The following CGRRF1 variants were observed in gnomAD, a reference collection of about 807,000 sequenced individuals.
CGRRF1 encodes cell growth regulator with ring finger domain 1, also known as cell growth regulator with RING finger domain protein 1.
CGRRF1 carries 32 observed loss-of-function variants against 37.2 expected under a neutral mutation model. That is an observed-to-expected ratio of 0.86 (90% CI 0.65 to 1.16). The LOEUF (loss-of-function observed/expected upper bound fraction) is 1.16. Ranked by LOEUF, CGRRF1 falls within the 50% of genes most tolerant of loss-of-function variation. The pLI is 0.00. For missense variants in CGRRF1, 391 were observed against 382.6 expected (o/e 1.02, Z -0.18); for synonymous variants, 141 against 140.3 (o/e 1.00, Z -0.04).
intron 2 of CGRRF1, among the ~76,000 whole-genome samples, chr14:54,527,211 C>T (rs942047770): frequency 5.9e-5 from 9 of 151,362 alleles, no homozygotes. Flanking sequence ...AATTGAAACT[C>T]TTTGCAAAAA....
At chr14:54,531,927 A>G (rs1257033843) in intron 4 of CGRRF1, among the ~76,000 whole-genome samples, 2 of 152,220 alleles carry the variant, frequency 1.3e-5, no homozygotes, top group African/African-American at 4.8e-5. Flanking sequence ...TAATAAACAT[A>G]TGGTAACATT....
rs756820986 is a variant in CGRRF1 at position 54,509,928 on chromosome 14, T to G, written c.-32T>G. The stretch of plus-strand genomic sequence containing the variant: ...GCCGGGCTGGGCTGGGCTCCGCGGC[T>G]GGAGCCGGGCTCTACCCAGAGCAAG... On this transcript the variant is annotated 5_prime_UTR_variant, in exon 1 of 6. Transcript: ENST00000216420. The G allele has an allele frequency of 6.1e-5, 94 of 1,539,210 alleles. No individual in the cohort carries two copies. Among genetic ancestry groups the G allele is most frequent in the Non-Finnish European group, 8.1e-5 (90 of 1,112,702 alleles).
chr14:54,515,205 C>T (rs2032195396), intron 1 of CGRRF1, among the ~76,000 whole-genome samples: 2 of 151,302 alleles, frequency 1.3e-5, no homozygotes, highest in Non-Finnish European at 1.5e-5. Context: ...TCTCCTGCCT[C>T]AGCCTCCAGA....
At position 54,527,157 on chromosome 14, in the gene CGRRF1, T is replaced by C. The variant is rs571121132; in HGVS notation, c.245-2892T>C. 3.2e-4 allele frequency among the ~76,000 whole-genome samples: 49 copies of C among 152,240 alleles called. 2 individuals carry two copies. The Middle Eastern group carries it at 0.02, about 63-fold the overall frequency. On this transcript the variant is annotated intron_variant, in intron 2 of 5. Transcript: ENST00000216420. ...TGTTAATGCTATTGATCTAAAGTGA[T>C]GTCATGTGTGTACTGAGTTTTAGAA...
chr14:54,513,566 TTTATGTTATG>T (rs150170270), intron 1 of CGRRF1, among the ~76,000 whole-genome samples: 3,590 of 146,634 alleles, frequency 0.024, 61 homozygotes, highest in Middle Eastern at 0.09. Context: ...TGGACACAGT[TTTATGTTATG>T]TTATGTTATG....
At chr14:54,531,247 A>C (rs777095294) in intron 4 of CGRRF1, 197 bp downstream of exon 4, 14 of 512,250 alleles carry the variant, frequency 2.7e-5, no homozygotes, top group Non-Finnish European at 4.1e-5. Flanking sequence ...TATGGGTCAC[A>C]GTAATATGAC....
intron 4 of CGRRF1, among the ~76,000 whole-genome samples, chr14:54,534,691 G>A (rs2032572586): frequency 6.6e-6 from 1 of 152,034 alleles, no homozygotes; most frequent in Non-Finnish European, 1.5e-5. Flanking sequence ...TTGCATTATT[G>A]TTCTCCCATT....
At position 54,529,921 on chromosome 14, in the gene CGRRF1, T is replaced by G. The variant is rs2032479509; in HGVS notation, c.245-128T>G. 4 of 651,546 alleles carry G rather than the reference T, an allele frequency of 6.1e-6. No individual in the cohort carries two copies. In the Admixed American group the frequency reaches 8.8e-5, roughly 14 times the overall value. The allele number at this position is 651,546 out of a possible 1,614,324, so 40.4% of individuals were successfully genotyped here. On this transcript the variant is annotated intron_variant, in intron 2 of 5. Coordinates refer to ENST00000216420, the MANE Select transcript of CGRRF1 (RefSeq NM_006568.3). ...CCTTCGTTTATAGGAGGCATACCCT[T>G]TAACAAGTTCTTTTAACTGCCATCA...
chr14:54,518,385 A>G (rs2032252727), intron 1 of CGRRF1, among the ~76,000 whole-genome samples: 1 of 151,972 alleles, frequency 6.6e-6, no homozygotes, highest in Non-Finnish European at 1.5e-5. Flanking sequence ...GTCTCTACTA[A>G]AAATACAAAA....
intron 1 of CGRRF1, among the ~76,000 whole-genome samples, chr14:54,512,809 T>C (rs1457048661): frequency 6.6e-6 from 1 of 152,232 alleles, no homozygotes; most frequent in East Asian, 1.9e-4. Context: ...AAGATACCAG[T>C]ATCCTTTCCT....
chr14:54,532,470 G>A (rs1297006860), intron 4 of CGRRF1, among the ~76,000 whole-genome samples: 4 of 151,960 alleles, frequency 2.6e-5, no homozygotes. Flanking sequence ...TGGGATTTTT[G>A]GTGCTCTTGC....
intron 4 of CGRRF1, chr14:54,536,551 G>C (rs891022888): frequency 1.1e-4 from 16 of 152,220 alleles, no homozygotes; most frequent in Middle Eastern, 3.4e-3. Flanking sequence ...AGAGTGTATT[G>C]ACAAGCTTCT....
chr14:54,533,564 A>G (rs1006105962), intron 4 of CGRRF1, among the ~76,000 whole-genome samples: 1 of 152,008 alleles, frequency 6.6e-6, no homozygotes, highest in Non-Finnish European at 1.5e-5. Context: ...CAAATGGACC[A>G]TTTCCTATTT....
At chr14:54,527,845 A>G (rs1050604712) in intron 2 of CGRRF1, among the ~76,000 whole-genome samples, 1 of 150,766 alleles carries the variant, frequency 6.6e-6, no homozygotes, top group Non-Finnish European at 1.5e-5. Flanking sequence ...TGCAGCCGTG[A>G]TCCTCCTACC....
intron 2 of CGRRF1, among the ~76,000 whole-genome samples, chr14:54,524,800 A>G (rs560461021): frequency 1.3e-5 from 2 of 152,274 alleles, no homozygotes; most frequent in East Asian, 1.9e-4. Flanking sequence ...CTCCTTCCCT[A>G]TAATAGATAA....
At chr14:54,510,563 G>C (rs573889179) in intron 1 of CGRRF1, among the ~76,000 whole-genome samples, 2 of 152,306 alleles carry the variant, frequency 1.3e-5, no homozygotes, top group East Asian at 3.9e-4. Context: ...AACTGTTACC[G>C]TTTGAGAATT....
chr14:54,538,508 T>A lies in CGRRF1; in HGVS notation c.*125T>A. 1.5e-6 allele frequency: 1 copy of A among 657,730 alleles called. No individual in the cohort carries two copies. Among genetic ancestry groups the A allele is most frequent in the East Asian group, 2.8e-5 (1 of 35,764 alleles). The allele number at this position is 657,730 out of a possible 1,614,324, so 40.7% of individuals were successfully genotyped here. A position where few individuals can be genotyped will look rare whatever the true frequency, so the allele number is the denominator to read the frequency against. ...TGAAAATTATATTTTAACTTCATAT[T>A]TGTATGGTACTTGGATGATAAAAAT... On this transcript the variant is annotated 3_prime_UTR_variant, in exon 6 of 6. Coordinates refer to ENST00000216420, the MANE Select transcript of CGRRF1 (RefSeq NM_006568.3).
intron 2 of CGRRF1, among the ~76,000 whole-genome samples, chr14:54,528,569 T>C (rs2032455904): frequency 2.6e-5 from 4 of 152,224 alleles, no homozygotes; most frequent in Admixed American, 2.6e-4. Flanking sequence ...TCCAGCTTTT[T>C]TCTTCTGCCT....
rs539055436 is a variant in CGRRF1 at position 54,517,453 on chromosome 14, T to C, written c.105-5001T>C. The stretch of plus-strand genomic sequence containing the variant: ...TCATTTGTTAATTTTATTGGTTATC[T>C]TTCAGTGTTAGACTTGTGTGTTTTG... On this transcript the variant is annotated intron_variant, in intron 1 of 5. Transcript: ENST00000216420. Among the ~76,000 whole-genome samples the C allele has an allele frequency of 3.9e-5, 6 of 152,340 alleles. No homozygotes were observed. The South Asian group carries it at 1.2e-3, about 32-fold the overall frequency.
Sources: gnomAD v4.1 joint callset for allele counts (sites outside exome capture counted in the v4.1 genomes callset) on GRCh38, gnomAD v4.1.1 for gene constraint, MANE v1.5 for transcripts, NCBI Gene and HGNC (gene_info 2026-07-23, HGNC 2026-07-21) for gene names.